FPGS: variants seen among roughly 807,000 people sequenced by gnomAD.
The protein encoded by FPGS is folylpolyglutamate synthase, mitochondrial.
A neutral mutation model predicts 66.5 loss-of-function variants in FPGS; 53 were observed. The observed-to-expected ratio is 0.80, with a 90% CI of 0.64 to 1.00. The LOEUF (loss-of-function observed/expected upper bound fraction) is 1.00. FPGS is among the 50% of genes least tolerant of loss of function. The pLI is 0.00. For synonymous variants in FPGS, 348 were observed against 350.9 expected (o/e 0.99, Z 0.09); for missense variants, 702 against 807.7 (o/e 0.87, Z 1.59).
In FPGS at chr9:127,810,973, G is replaced by T; in HGVS notation, c.1316G>T (p.Cys439Phe). 1 of 1,586,572 alleles carries T rather than the reference G, an allele frequency of 6.3e-7. No homozygotes were observed. The highest frequency in any genetic ancestry group is 8.6e-7 in the Non-Finnish European group (1 of 1,164,572). Residue 439 changes from cysteine to phenylalanine, a missense_variant, in exon 14 of 15, where the codon TGC (cysteine) becomes TTC (phenylalanine). Coordinates refer to ENST00000373247, the MANE Select transcript of FPGS (RefSeq NM_004957.6). ...TGCCAGTTTGACTATGCCGTCTTCT[G>T]CCCTAACCTGACAGAGGTGTCATCC... is the stretch of plus-strand genomic sequence containing the variant. ...QPCQFDYAVF[C>F]PNLTEVSSTG... is the part of the protein sequence containing the mutation.
At chr9:127,805,337 G>A (rs954561883) in intron 4 of FPGS, among the ~76,000 whole-genome samples, 1 of 151,942 alleles carries the variant, frequency 6.6e-6, no homozygotes, top group Non-Finnish European at 1.5e-5. Context: ...TGAGTCTGGG[G>A]AGGTCAAGGC....
Position 127,808,215 on chromosome 9 carries a change from C to T in FPGS, c.745-19C>T. 1 of 1,607,294 alleles carries T rather than the reference C, an allele frequency of 6.2e-7. No individual in the cohort carries two copies. Among genetic ancestry groups the T allele is most frequent in the African/African-American group, 1.3e-5 (1 of 74,916 alleles). On this transcript the variant is annotated intron_variant, in intron 8 of 14. Coordinates refer to ENST00000373247, the MANE Select transcript of FPGS (RefSeq NM_004957.6). ...GAGGATGCTAGGTAGCCCTTTCTCTCTCCTTCTTCCCTCCACAGCAAGGTG... is the reference window on the plus strand; with the variant it reads ...GAGGATGCTAGGTAGCCCTTTCTCTTTCCTTCTTCCCTCCACAGCAAGGTG...
intron 4 of FPGS, 51 bp from the exon 5 acceptor site, chr9:127,806,922 A>C (rs775631495): frequency 7.3e-7 from 1 of 1,377,860 alleles, no homozygotes; most frequent in South Asian, 1.2e-5. Context: ...GGGTGGGGGA[A>C]GGCCAGGACG....
At chr9:127,813,046 A>C in intron 14 of FPGS, 149 bp from the exon 15 acceptor site, 1 of 1,193,848 alleles carries the variant, frequency 8.4e-7, no homozygotes, top group Non-Finnish European at 1.1e-6. Flanking sequence ...CACTGTGTGC[A>C]TGGAGAAGGC....
chr9:127,806,326 C>A (rs746788803), intron 4 of FPGS, among the ~76,000 whole-genome samples: 3 of 151,972 alleles, frequency 2.0e-5, no homozygotes, highest in Non-Finnish European at 4.4e-5. Flanking sequence ...GCTAACATGG[C>A]GTAACCCTGT....
rs368409878 is a variant in FPGS at position 127,807,187 on chromosome 9, C to A, written c.502-22C>A. 91 of 1,613,908 alleles carry A rather than the reference C, an allele frequency of 5.6e-5. 2 individuals carry two copies. The African/African-American group carries it at 1.0e-3, about 18-fold the overall frequency. On this transcript the variant is annotated intron_variant, in intron 5 of 14. Transcript: ENST00000373247. This position sits in a 1 kb window ranked among gnomAD's most constrained non-coding sequence, Gnocchi z 5.8. ...GAAGGGGCTGCATGGGCTCTGGGCC[C>A]TGACATGTCCCTGTGCCACAGGATG...
chr9:127,804,429 C>G lies in FPGS; in HGVS notation c.267+16C>G. 6.2e-7 allele frequency: 1 copy of G among 1,613,970 alleles called. No homozygotes were observed. Among genetic ancestry groups the G allele is most frequent in the Admixed American group, 1.7e-5 (1 of 60,004 alleles). ...TGGGCTGCAGGTAAGGTAGAGAGGG[C>G]CTGTGACCACCTCCCACCCCCATTT... On this transcript the variant is annotated intron_variant, in intron 2 of 14. Transcript: ENST00000373247.
chr9:127,810,447 C>T (rs560373569), intron 13 of FPGS, among the ~76,000 whole-genome samples: 6 of 152,182 alleles, frequency 3.9e-5, no homozygotes, highest in Admixed American at 2.0e-4. Flanking sequence ...TTTGCCTCTC[C>T]GTAAAATGGG....
chr9:127,813,617 G>A lies in FPGS; in HGVS notation c.*13G>A. ...ACTGTCCCAGTAGCCAAGGCCCGGG[G>A]TTGGAGGTGGGAGCTTCCCACACCT... On this transcript the variant is annotated 3_prime_UTR_variant, in exon 15 of 15. Coordinates refer to ENST00000373247, the MANE Select transcript of FPGS (RefSeq NM_004957.6). 1.3e-6 allele frequency: 2 copies of A among 1,505,226 alleles called. No homozygotes were observed. The highest frequency in any genetic ancestry group is 2.3e-5 in the East Asian group (1 of 42,638). The allele number at this position is 1,505,226 out of a possible 1,614,324, so 93.2% of individuals were successfully genotyped here.
Position 127,808,247 on chromosome 9 carries a change from C to G in FPGS, c.758C>G (p.Ala253Gly). 2 of 1,613,998 alleles carry G rather than the reference C, an allele frequency of 1.2e-6. No homozygotes were observed. Among genetic ancestry groups the G allele is most frequent in the South Asian group, 1.1e-5 (1 of 91,084 alleles). The change falls in exon 9 of 15, where the codon GCC becomes GGC. Residue 253 changes from alanine to glycine, a missense_variant. By Grantham distance (60) the Ala-to-Gly change is moderately conservative. Around this residue, in one of 3 missense-constraint regions of FPGS, gnomAD observed 240 missense variants for 348.6 expected, o/e 0.69. Coordinates refer to ENST00000373247, the MANE Select transcript of FPGS (RefSeq NM_004957.6). ...KGGIFKQGVP[A>G]FTVLQPEGPL... is the part of the protein sequence containing the mutation. ...TTCCCTCCACAGCAAGGTGTCCCTG[C>G]CTTCACTGTGCTCCAACCTGAAGGT... is the stretch of plus-strand genomic sequence containing the variant.
Position 127,803,008 on chromosome 9 carries a change from G to A in FPGS, c.84G>A (p.Ala28=), listed in dbSNP as rs1318199030. Residue 28 remains alanine (A), a synonymous_variant, in exon 1 of 15, where the codon GCG becomes GCA. Transcript: ENST00000373247. ...SARGITTQVA[A]RRGLSAWPVP... The stretch of plus-strand genomic sequence containing the variant: ...GCGGCATAACGACCCAGGTCGCGGC[G>A]CGGCGGGGCTTGAGCGCGTGGCCGG... 6 of 1,466,652 alleles carry A rather than the reference G, an allele frequency of 4.1e-6. No individual in the cohort carries two copies. The allele number at this position is 1,466,652 out of a possible 1,614,324, so 90.9% of individuals were successfully genotyped here. A position where few individuals can be genotyped will look rare whatever the true frequency, so the allele number is the denominator to read the frequency against.
chr9:127,804,570 G>A lies in FPGS; in HGVS notation c.321+18G>A. On this transcript the variant is annotated intron_variant, in intron 3 of 14. Coordinates refer to ENST00000373247, the MANE Select transcript of FPGS (RefSeq NM_004957.6). ...AGGGGAAGGTGAGGGGCAGGACCCT[G>A]GGGTAGGGGGTCTATTAAGTGGCTG... The A allele has an allele frequency of 6.2e-6, 10 of 1,614,202 alleles. No homozygotes were observed. The highest frequency in any genetic ancestry group is 8.5e-6 in the Non-Finnish European group (10 of 1,180,016).
intron 1 of FPGS, 74 bp downstream of exon 1, chr9:127,803,136 C>A: frequency 3.3e-6 from 4 of 1,216,470 alleles, no homozygotes; most frequent in Non-Finnish European, 4.1e-6. Flanking sequence ...GCAGAACATC[C>A]GGGCTCCGCT....
rs896458116 is a variant in FPGS at position 127,813,757 on chromosome 9, G to A, written c.*153G>A. 4 of 1,311,050 alleles carry A rather than the reference G, an allele frequency of 3.1e-6. No individual in the cohort carries two copies. The East Asian group carries it at 9.2e-5, about 30-fold the overall frequency. 81.2% of individuals were successfully genotyped at this position (1,311,050 alleles called of 1,614,324 possible). ...TTGGGATGGGAGGCCGGGAGAGGATGTCTTTTTTAAGGCTCTGTGCCTTGG... is the reference window on the plus strand; with the variant it reads ...TTGGGATGGGAGGCCGGGAGAGGATATCTTTTTTAAGGCTCTGTGCCTTGG... On this transcript the variant is annotated 3_prime_UTR_variant, in exon 15 of 15. Transcript: ENST00000373247.
chr9:127,810,151 C>T lies in FPGS; in HGVS notation c.1287+45C>T, dbSNP rs1403095449. Reference sequence around the variant, plus strand: ...GTGGGCGGCAGGCAGTCCTGAAGCCCTGGGTCTGGCGGTGTGACCCTGGGG... The same window carrying T: ...GTGGGCGGCAGGCAGTCCTGAAGCCTTGGGTCTGGCGGTGTGACCCTGGGG... On this transcript the variant is annotated intron_variant, in intron 13 of 14. Coordinates refer to ENST00000373247, the MANE Select transcript of FPGS (RefSeq NM_004957.6). 4.5e-6 allele frequency: 7 copies of T among 1,553,604 alleles called. No individual in the cohort carries two copies. In the African/African-American group the frequency reaches 5.4e-5, roughly 12 times the overall value.
chr9:127,813,129 C>T, intron 14 of FPGS, 66 bp from the exon 15 acceptor site: 7 of 1,500,928 alleles, frequency 4.7e-6, no homozygotes, highest in Middle Eastern at 1.8e-4. Context: ...GCACCCGCCC[C>T]TTTCTCCACC....
chr9:127,807,593 G>T lies in FPGS; in HGVS notation c.649G>T (p.Val217Leu), dbSNP rs775248547. 7 of 1,613,256 alleles carry T rather than the reference G, an allele frequency of 4.3e-6. No individual in the cohort carries two copies. Residue 217 changes from valine (V) to leucine (L), a missense_variant, in exon 8 of 15, where the codon GTG becomes TTG. By Grantham distance (32) the Val-to-Leu change is conservative. Coordinates refer to ENST00000373247, the MANE Select transcript of FPGS (RefSeq NM_004957.6). The surrounding 1 kb of genome is among the most constrained non-coding windows in gnomAD (Gnocchi z 5.8). ...CCTTTTCCTCCCCTGCAGGAAGCCTGTGGTGTGCGGAGTCTCCTCTCTTGG... is the reference window on the plus strand; with the variant it reads ...CCTTTTCCTCCCCTGCAGGAAGCCTTTGGTGTGCGGAGTCTCCTCTCTTGG... The part of the protein sequence containing the change: ...YDCTNIIRKP[V>L]VCGVSSLGID...
At chr9:127,806,131 G>A (rs915108596) in intron 4 of FPGS, among the ~76,000 whole-genome samples, 1 of 152,206 alleles carries the variant, frequency 6.6e-6, no homozygotes, top group African/African-American at 2.4e-5. Flanking sequence ...CACTTTGGGA[G>A]GCCGAAGCAG....
intron 14 of FPGS, among the ~76,000 whole-genome samples, chr9:127,812,506 TTTTG>T (rs1348041320): frequency 6.6e-6 from 1 of 151,860 alleles, no homozygotes; most frequent in Non-Finnish European, 1.5e-5. Flanking sequence ...AATTTTTGTT[TTTTG>T]TTTGTTTATA....
Sources: gnomAD v4.1 joint callset for allele counts (sites outside exome capture counted in the v4.1 genomes callset) on GRCh38, gnomAD v4.1.1 for gene constraint, gnomAD v4.1.1 regional missense constraint, Gnocchi (gnomAD v3.1) non-coding constraint, MANE v1.5 for transcripts, NCBI Gene and HGNC (gene_info 2026-07-23, HGNC 2026-07-21) for gene names.